The following CDYL variants were observed in gnomAD, a reference collection of about 807,000 sequenced individuals.
CDYL encodes the protein chromodomain Y like.
In CDYL, 8 loss-of-function variants were observed where a neutral mutation model predicts 47.3. That is an observed-to-expected ratio of 0.17 (90% CI 0.10 to 0.31). CDYL has a LOEUF of 0.31. CDYL is among the 10% of genes least tolerant of loss of function. The pLI is 1.00. For synonymous variants in CDYL, 266 were observed against 265.0 expected (o/e 1.00, Z -0.04); for missense variants, 471 against 701.4 (o/e 0.67, Z 3.71).
chr6:4,894,869 ACACACATGTGTATGTG>A lies in CDYL; in HGVS notation c.691+2491_691+2506del, dbSNP rs1452059677. ...TGTGTGTGTGTGTATATGTGTATAT[ACACACATGTGTATGTG>A]TGTGTATATATACACACGTACGTGT... On this transcript the variant is annotated intron_variant, in intron 2 of 6. Coordinates refer to ENST00000397588, the MANE Select transcript of CDYL (RefSeq NM_004824.4). Among the ~76,000 whole-genome samples, 44 of 20,774 alleles carry A rather than the reference ACACACATGTGTATGTG, an allele frequency of 2.1e-3. 1 individual carries two copies. The highest frequency in any genetic ancestry group is 2.6e-3 in the African/African-American group (41 of 15,500). The allele number at this position is 20,774 out of a possible 152,430, so 13.6% of individuals were successfully genotyped here.
chr6:4,933,756 A>G (rs1182018646), intron 2 of CDYL, among the ~76,000 whole-genome samples: 1 of 151,998 alleles, frequency 6.6e-6, no homozygotes, highest in Non-Finnish European at 1.5e-5. Context: ...AGTTAGAACT[A>G]CTCCAGGCTA....
At chr6:4,794,698 T>C (rs1290671188) in intron 1 of CDYL, among the ~76,000 whole-genome samples, 4 of 152,170 alleles carry the variant, frequency 2.6e-5, no homozygotes, top group African/African-American at 9.7e-5. Flanking sequence ...GTATCTCGTC[T>C]CTCTCAGTAA....
chr6:4,776,738 G>GCCCGCC lies in CDYL; in HGVS notation c.-43_-38dup. On this transcript the variant is annotated 5_prime_UTR_variant, in exon 1 of 7. Transcript: ENST00000397588. ...AAAGTGTCGGCCGCCCGGCGCCGGC[G>GCCCGCC]CCCGCCCCGACCCTGCCCCTCCCGC... The GCCCGCC allele has an allele frequency of 1.6e-6, 2 of 1,250,236 alleles. No homozygotes were observed. Among genetic ancestry groups the GCCCGCC allele is most frequent in the Non-Finnish European group, 1.0e-6 (1 of 969,228 alleles). The allele number at this position is 1,250,236 out of a possible 1,614,324, so 77.4% of individuals were successfully genotyped here. A position where few individuals can be genotyped will look rare whatever the true frequency, so the allele number is the denominator to read the frequency against.
intron 1 of CDYL, among the ~76,000 whole-genome samples, chr6:4,819,162 CTGTG>C (rs374323088): frequency 0.024 from 2,673 of 110,634 alleles, 48 homozygotes; most frequent in African/African-American, 0.031. Context: ...CTCTCTCTCT[CTGTG>C]TGTGTGTGTG....
chr6:4,887,975 T>C (rs2127481785), intron 1 of CDYL, among the ~76,000 whole-genome samples: 1 of 152,228 alleles, frequency 6.6e-6, no homozygotes, highest in Non-Finnish European at 1.5e-5. Context: ...TCCCCTTTAT[T>C]CTATTGATGT....
At chr6:4,951,168 G>A (rs548349301) in intron 5 of CDYL, among the ~76,000 whole-genome samples, 2 of 152,236 alleles carry the variant, frequency 1.3e-5, no homozygotes, top group Admixed American at 1.3e-4. Context: ...ACTGTCTTTT[G>A]TGATTTTGCC....
intron 1 of CDYL, among the ~76,000 whole-genome samples, chr6:4,835,858 C>G (rs1253775256): frequency 3.3e-5 from 5 of 152,210 alleles, no homozygotes; most frequent in African/African-American, 1.2e-4. Flanking sequence ...CAGCGAGACT[C>G]CGTGGGCGCA....
intron 3 of CDYL, among the ~76,000 whole-genome samples, chr6:4,768,057 C>T (rs1163567048): frequency 1.3e-5 from 2 of 152,240 alleles, no homozygotes; most frequent in African/African-American, 4.8e-5. Flanking sequence ...TTATGTCTCC[C>T]TTCCTGTTGT....
intron 2 of CDYL, among the ~76,000 whole-genome samples, chr6:4,723,261 T>A (rs555181486): frequency 2.0e-5 from 3 of 152,196 alleles, no homozygotes; most frequent in Non-Finnish European, 4.4e-5. Context: ...TGAAGTTTTA[T>A]ACGCATTGAC....
intron 2 of CDYL, among the ~76,000 whole-genome samples, chr6:4,918,696 C>T (rs1757625216): frequency 6.6e-6 from 1 of 152,204 alleles, no homozygotes; most frequent in African/African-American, 2.4e-5. Flanking sequence ...ATGGAGTTCA[C>T]TTTTAAGGAT....
At chr6:4,746,783 G>A (rs1757906285) in intron 3 of CDYL, among the ~76,000 whole-genome samples, 1 of 152,090 alleles carries the variant, frequency 6.6e-6, no homozygotes, top group African/African-American at 2.4e-5. Context: ...TAGACTAATG[G>A]GAGCCAGGGG....
chr6:4,725,069 G>A (rs777655075), intron 2 of CDYL, among the ~76,000 whole-genome samples: 4 of 152,066 alleles, frequency 2.6e-5, no homozygotes, highest in African/African-American at 4.8e-5. Context: ...CCACATCCCC[G>A]CTAGATTAGC....
chr6:4,858,201 A>AT (rs1243712968), intron 1 of CDYL, among the ~76,000 whole-genome samples: 12 of 152,076 alleles, frequency 7.9e-5, no homozygotes, highest in African/African-American at 2.9e-4. Context: ...CTTTAAAAAG[A>AT]TTTTTTTGGT....
intron 1 of CDYL, among the ~76,000 whole-genome samples, chr6:4,797,913 A>T (rs1759121005): frequency 6.6e-6 from 1 of 151,808 alleles, no homozygotes; most frequent in Non-Finnish European, 1.5e-5. Flanking sequence ...ATGAACATGT[A>T]TTTTCTGTGT....
chr6:4,833,212 T>C (rs1174961380), intron 1 of CDYL, among the ~76,000 whole-genome samples: 1 of 146,548 alleles, frequency 6.8e-6, no homozygotes, highest in African/African-American at 2.7e-5. Context: ...GGGCATTTAG[T>C]GCTATAAATT....
intron 2 of CDYL, among the ~76,000 whole-genome samples, chr6:4,932,648 G>A (rs1758064659): frequency 2.6e-5 from 4 of 152,210 alleles, no homozygotes; most frequent in Admixed American, 2.6e-4. Flanking sequence ...ACCAGCTGCT[G>A]GCATGTGTAG....
At chr6:4,716,120 T>C (rs1452546581) in intron 2 of CDYL, among the ~76,000 whole-genome samples, 7 of 151,900 alleles carry the variant, frequency 4.6e-5, no homozygotes, top group South Asian at 2.1e-4. Flanking sequence ...GTGGTGTGGG[T>C]GCCTGTAGTC....
intron 1 of CDYL, among the ~76,000 whole-genome samples, chr6:4,791,120 A>C (rs1758904677): frequency 6.6e-6 from 1 of 152,236 alleles, no homozygotes; most frequent in African/African-American, 2.4e-5. Context: ...TCCAAAACCC[A>C]ACATGAAGAC....
intron 1 of CDYL, chr6:4,713,953 C>T (rs532680691): frequency 2.0e-5 from 3 of 152,316 alleles, no homozygotes; most frequent in African/African-American, 7.2e-5. Context: ...ACTGGAGGAA[C>T]ATTCTCACAT....
Sources: gnomAD v4.1 joint callset for allele counts (sites outside exome capture counted in the v4.1 genomes callset) on GRCh38, gnomAD v4.1.1 for gene constraint, MANE v1.5 for transcripts, NCBI Gene and HGNC (gene_info 2026-07-23, HGNC 2026-07-21) for gene names.